The following ASB13 variants were observed in gnomAD, a reference collection of about 807,000 sequenced individuals.
The protein encoded by ASB13 is ankyrin repeat and SOCS box containing 13.
Under a neutral mutation model 28.8 loss-of-function variants are expected in ASB13, and 33 were observed. That is an observed-to-expected ratio of 1.15 (90% CI 0.87 to 1.53). ASB13 has a LOEUF of 1.53. Among genes scored for constraint, ASB13 ranks in the 40% most tolerant of loss-of-function variants. ASB13 has a pLI of 0.00. For synonymous variants in ASB13, 182 were observed against 172.9 expected, an observed-to-expected ratio of 1.05 and a Z score of -0.41; for missense variants, 414 against 390.1, an observed-to-expected ratio of 1.06 and a Z score of -0.52.
At position 5,664,203 on chromosome 10, in the gene ASB13, A is replaced by C. The variant is rs1247466022; in HGVS notation, c.43+2306T>G. Among the ~76,000 whole-genome samples, 2 of 152,054 alleles carry C rather than the reference A, an allele frequency of 1.3e-5. No individual in the cohort carries two copies. The highest frequency in any genetic ancestry group is 4.8e-5 in the African/African-American group (2 of 41,394). The stretch of plus-strand genomic sequence containing the variant: ...CGCAAAGGGATGCGCAAATCCCCAT[A>C]AACAACAGGAAGACACCCCTGCCCC... On this transcript the variant is annotated intron_variant, in intron 1 of 5. Coordinates refer to ENST00000357700, the MANE Select transcript of ASB13 (RefSeq NM_024701.4). This position sits in a 1 kb window ranked among gnomAD's most constrained non-coding sequence, Gnocchi z 4.2.
chr10:5,648,888 G>A (rs1384314785), intron 4 of ASB13, 82 bp downstream of exon 4: 1 of 1,558,564 alleles, frequency 6.4e-7, no homozygotes, highest in Non-Finnish European at 8.7e-7. Context: ...ACACCCACTT[G>A]GGCAAACACC....
At chr10:5,648,864 AC>A in intron 4 of ASB13, 105 bp downstream of exon 4, 1 of 1,549,842 alleles carries the variant, frequency 6.5e-7, no homozygotes, top group South Asian at 1.2e-5. Context: ...TCGGGTAAAC[AC>A]CCACTCGGGC....
Position 5,652,095 on chromosome 10 carries a change from A to G in ASB13, c.232-732T>C, listed in dbSNP as rs185924452. On this transcript the variant is annotated intron_variant, in intron 2 of 5. Transcript: ENST00000357700. The surrounding 1 kb of genome is among the most constrained non-coding windows in gnomAD (Gnocchi z 5.0). The stretch of plus-strand genomic sequence containing the variant: ...AACCTCAATGGAAGGAATGCCTGAG[A>G]CAGCTTACCACGCCTCCCCTAGTGA... 5.4e-4 allele frequency among the ~76,000 whole-genome samples: 82 copies of G among 151,246 alleles called. No individual in the cohort carries two copies. The highest frequency in any genetic ancestry group is 3.4e-3 in the Middle Eastern group (1 of 290).
At position 5,652,051 on chromosome 10, in the gene ASB13, C is replaced by A. The variant is rs1834997313; in HGVS notation, c.232-688G>T. Among the ~76,000 whole-genome samples, 1 of 144,412 alleles carries A rather than the reference C, an allele frequency of 6.9e-6. No homozygotes were observed. The highest frequency in any genetic ancestry group is 2.2e-4 in the South Asian group (1 of 4,572). 94.7% of individuals were successfully genotyped at this position (144,412 alleles called of 152,430 possible). ...CCACACACACACACACACACACACA[C>A]ACACACACACAAAACTCTAACCTCA... On this transcript the variant is annotated intron_variant, in intron 2 of 5. Coordinates refer to ENST00000357700, the MANE Select transcript of ASB13 (RefSeq NM_024701.4). This position sits in a 1 kb window ranked among gnomAD's most constrained non-coding sequence, Gnocchi z 5.0.
Position 5,651,610 on chromosome 10 carries a change from C to A in ASB13, c.232-247G>T. 2.2e-6 allele frequency: 1 copy of A among 458,184 alleles called. No individual in the cohort carries two copies. Among genetic ancestry groups the A allele is most frequent in the South Asian group, 2.7e-5 (1 of 37,412 alleles). 28.4% of individuals were successfully genotyped at this position (458,184 alleles called of 1,614,324 possible). Reference sequence around the variant, plus strand: ...AGGGCAGGATAAGCTCAGCAGCCCCCTCGCCACCCCCGCCCCAAACACCTA... The same window carrying A: ...AGGGCAGGATAAGCTCAGCAGCCCCATCGCCACCCCCGCCCCAAACACCTA... On this transcript the variant is annotated intron_variant, in intron 2 of 5. Coordinates refer to ENST00000357700, the MANE Select transcript of ASB13 (RefSeq NM_024701.4). This position sits in a 1 kb window ranked among gnomAD's most constrained non-coding sequence, Gnocchi z 5.1.
Position 5,661,103 on chromosome 10 carries a change from C to A in ASB13, c.43+5406G>T, listed in dbSNP as rs1340433282. On this transcript the variant is annotated intron_variant, in intron 1 of 5. Transcript: ENST00000357700. This position sits in a 1 kb window ranked among gnomAD's most constrained non-coding sequence, Gnocchi z 4.9. ...TCCTCAGTCATCCCAGAGCCAGAGCCCCACTCGTTGGGCCCAAGTGGCAGC... is the reference window on the plus strand; with the variant it reads ...TCCTCAGTCATCCCAGAGCCAGAGCACCACTCGTTGGGCCCAAGTGGCAGC... Among the ~76,000 whole-genome samples, 1 of 152,212 alleles carries A rather than the reference C, an allele frequency of 6.6e-6. No homozygotes were observed. Among genetic ancestry groups the A allele is most frequent in the Admixed American group, 6.5e-5 (1 of 15,286 alleles).
rs1481324758 is a variant in ASB13, at chr10:5,650,270, A to G, written c.382+943T>C. Among the ~76,000 whole-genome samples, 1 of 152,132 alleles carries G rather than the reference A, an allele frequency of 6.6e-6. No individual in the cohort carries two copies. The highest frequency in any genetic ancestry group is 1.9e-4 in the East Asian group (1 of 5,190). The stretch of plus-strand genomic sequence containing the variant: ...CCTCTGCTTCCAGGAGACCCCAGCC[A>G]CCACTGCACCTCCGTCTATCTGCAC... On this transcript the variant is annotated intron_variant, in intron 3 of 5. Transcript: ENST00000357700. This position sits in a 1 kb window ranked among gnomAD's most constrained non-coding sequence, Gnocchi z 6.0.
rs550927434 is a variant in ASB13, at chr10:5,660,067, G to A, written c.43+6442C>T. On this transcript the variant is annotated intron_variant, in intron 1 of 5. Transcript: ENST00000357700. The surrounding 1 kb of genome is among the most constrained non-coding windows in gnomAD (Gnocchi z 6.1). Reference sequence around the variant, plus strand: ...CTGGATTCTACCCACTTCCTCCTCTGCTTCAGGTCAGGGTCACGGTGTTAC... The same window carrying A: ...CTGGATTCTACCCACTTCCTCCTCTACTTCAGGTCAGGGTCACGGTGTTAC... Among the ~76,000 whole-genome samples the A allele has an allele frequency of 1.3e-5, 2 of 152,302 alleles. No homozygotes were observed. Among genetic ancestry groups the A allele is most frequent in the South Asian group, 4.1e-4 (2 of 4,824 alleles).
chr10:5,646,824 G>A (rs1834892358), intron 4 of ASB13, among the ~76,000 whole-genome samples: 1 of 152,162 alleles, frequency 6.6e-6, no homozygotes, highest in African/African-American at 2.4e-5. Context: ...CGTGTGTACT[G>A]AGCTCATAAA....
chr10:5,642,489 T>C lies in ASB13; in HGVS notation c.518-528A>G. 27 of 1,209,358 alleles carry C rather than the reference T, an allele frequency of 2.2e-5. No homozygotes were observed. Among genetic ancestry groups the C allele is most frequent in the Non-Finnish European group, 2.7e-5 (26 of 958,180 alleles). 74.9% of individuals were successfully genotyped at this position (1,209,358 alleles called of 1,614,324 possible). A position where few individuals can be genotyped will look rare whatever the true frequency, so the allele number is the denominator to read the frequency against. On this transcript the variant is annotated intron_variant, in intron 4 of 5. Coordinates refer to ENST00000357700, the MANE Select transcript of ASB13 (RefSeq NM_024701.4). The surrounding 1 kb of genome is among the most constrained non-coding windows in gnomAD (Gnocchi z 4.1). ...ATAACGTACCCAAAACAGTAGGCAA[T>C]TCAGAGAAGAGAGTAAGCTCTGCAC...
intron 4 of ASB13, among the ~76,000 whole-genome samples, chr10:5,643,251 T>A (rs958099627): frequency 6.6e-6 from 1 of 152,158 alleles, no homozygotes; most frequent in African/African-American, 2.4e-5. Context: ...TTCCCGACAG[T>A]CTCAGAGGGT....
Position 5,652,931 on chromosome 10 carries a change from G to C in ASB13, c.163C>G (p.Pro55Ala). 1.3e-6 allele frequency: 2 copies of C among 1,583,628 alleles called. No individual in the cohort carries two copies. Among genetic ancestry groups the C allele is most frequent in the Non-Finnish European group, 1.7e-6 (2 of 1,165,374 alleles). Residue 55 changes from proline (P) to alanine (A), a missense_variant, in exon 2 of 6, where the codon CCC (proline) becomes GCC (alanine). Physicochemically the swap from Pro to Ala is conservative, Grantham distance 27 (BLOSUM62 -1). Coordinates refer to ENST00000357700, the MANE Select transcript of ASB13 (RefSeq NM_024701.4). The surrounding 1 kb of genome is among the most constrained non-coding windows in gnomAD (Gnocchi z 5.0). ...CCCTGCAGACTGGCTGCGTGCAGGG[G>C]CGTGATGGAGTCCACGGTGACCTGG... ...VNQVTVDSIT[P>A]LHAASLQGQA... is the part of the protein sequence containing the mutation.
chr10:5,654,967 T>C (rs1011723310), intron 1 of ASB13, among the ~76,000 whole-genome samples: 1 of 152,078 alleles, frequency 6.6e-6, no homozygotes, highest in East Asian at 1.9e-4. Context: ...CTGGGCGTGG[T>C]GGTGCATGCC....
rs907309427 is a variant in ASB13 at position 5,644,349 on chromosome 10, C to A, written c.518-2388G>T. ...GCTCTACAAAAATTTAAAAATTACC[C>A]GGGGGGCGTGATGGCACACATCTGT... On this transcript the variant is annotated intron_variant, in intron 4 of 5. Coordinates refer to ENST00000357700, the MANE Select transcript of ASB13 (RefSeq NM_024701.4). The surrounding 1 kb of genome is among the most constrained non-coding windows in gnomAD (Gnocchi z 5.1). Among the ~76,000 whole-genome samples the A allele has an allele frequency of 6.6e-6, 1 of 151,994 alleles. No homozygotes were observed. Among genetic ancestry groups the A allele is most frequent in the Non-Finnish European group, 1.5e-5 (1 of 68,004 alleles).
rs971893578 is a variant in ASB13, at chr10:5,650,481, C to T, written c.382+732G>A. 6.6e-6 allele frequency among the ~76,000 whole-genome samples: 1 copy of T among 152,238 alleles called. No individual in the cohort carries two copies. The highest frequency in any genetic ancestry group is 6.5e-5 in the Admixed American group (1 of 15,286). ...GCCAGCACCGTGGAAGGGCACATACCCCATACCCTGCACCCCAGATGTGCA... is the reference window on the plus strand; with the variant it reads ...GCCAGCACCGTGGAAGGGCACATACTCCATACCCTGCACCCCAGATGTGCA... On this transcript the variant is annotated intron_variant, in intron 3 of 5. Transcript: ENST00000357700. The surrounding 1 kb of genome is among the most constrained non-coding windows in gnomAD (Gnocchi z 6.0).
Position 5,651,150 on chromosome 10 carries a change from A to G in ASB13, c.382+63T>C. The G allele has an allele frequency of 1.3e-6, 2 of 1,526,244 alleles. No individual in the cohort carries two copies. Among genetic ancestry groups the G allele is most frequent in the Non-Finnish European group, 1.8e-6 (2 of 1,135,218 alleles). 94.5% of individuals were successfully genotyped at this position (1,526,244 alleles called of 1,614,324 possible). On this transcript the variant is annotated intron_variant, in intron 3 of 5. Coordinates refer to ENST00000357700, the MANE Select transcript of ASB13 (RefSeq NM_024701.4). This position sits in a 1 kb window ranked among gnomAD's most constrained non-coding sequence, Gnocchi z 5.1. ...TCTGCTTCCTTCCCTAAGTCCCTTTAATCCCAGAAAGGAGGAAACTTCCAG... is the reference window on the plus strand; with the variant it reads ...TCTGCTTCCTTCCCTAAGTCCCTTTGATCCCAGAAAGGAGGAAACTTCCAG...
At chr10:5,654,727 A>G (rs753639896) in intron 1 of ASB13, among the ~76,000 whole-genome samples, 2 of 152,302 alleles carry the variant, frequency 1.3e-5, no homozygotes, top group Non-Finnish European at 2.9e-5. Flanking sequence ...CTCAATCAGC[A>G]GTTTCCTCTT....
intron 4 of ASB13, 146 bp downstream of exon 4, chr10:5,648,824 G>A (rs542219636): frequency 5.6e-6 from 8 of 1,439,676 alleles, no homozygotes; most frequent in African/African-American, 4.4e-5. Context: ...ACACCCACGC[G>A]GGCAAACATC....
intron 1 of ASB13, 51 bp downstream of exon 1, chr10:5,666,458 C>A: frequency 7.9e-7 from 1 of 1,271,140 alleles, no homozygotes. Flanking sequence ...CGGCCGGCCT[C>A]AGGAGCCGGC....
Sources: allele counts gnomAD v4.1 joint callset (sites outside exome capture counted in the v4.1 genomes callset), GRCh38; gene constraint gnomAD v4.1.1; non-coding constraint Gnocchi (gnomAD v3.1); transcripts MANE v1.5; gene names NCBI Gene and HGNC (gene_info 2026-07-23, HGNC 2026-07-21).